Variants in BBS9 observed in about 807,000 individuals in gnomAD.
BBS9 encodes the protein protein PTHB1.
In BBS9, 89 loss-of-function variants were observed where a neutral mutation model predicts 117.7. The ratio of observed to expected loss-of-function variants is 0.76; its 90% CI spans 0.64 to 0.90. The LOEUF is 0.90. Among genes scored for constraint, BBS9 ranks in the 40% least tolerant of loss-of-function variants. The pLI, the probability that BBS9 is intolerant of heterozygous loss-of-function variation, is 0.00. For missense variants in BBS9, 982 were observed against 1,042.2 expected, an observed-to-expected ratio of 0.94 and a Z score of 0.80; for synonymous variants, 379 against 370.9, an observed-to-expected ratio of 1.02 and a Z score of -0.25.
chr7:33,446,758 T>C (rs1837059650), intron 19 of BBS9, among the ~76,000 whole-genome samples: 1 of 152,228 alleles, frequency 6.6e-6, no homozygotes, highest in South Asian at 2.1e-4. Flanking sequence ...TAGTGAGCAA[T>C]ATTAGCGAAA....
intron 4 of BBS9, among the ~76,000 whole-genome samples, chr7:33,156,082 C>T (rs1397201191): frequency 6.6e-6 from 1 of 152,114 alleles, no homozygotes; most frequent in Non-Finnish European, 1.5e-5. Context: ...GTTTGAAGTA[C>T]ATTTTCTTTG....
chr7:33,140,795 T>C (rs1009650470), intron 1 of BBS9, among the ~76,000 whole-genome samples: 3 of 152,204 alleles, frequency 2.0e-5, no homozygotes, highest in East Asian at 1.9e-4. Flanking sequence ...TAATAACAAA[T>C]GGTGCAAATA....
chr7:33,379,593 C>A (rs1455191033), intron 17 of BBS9, among the ~76,000 whole-genome samples: 1 of 152,008 alleles, frequency 6.6e-6, no homozygotes, highest in Non-Finnish European at 1.5e-5. Flanking sequence ...GACAGTAAAT[C>A]GTATGCTAAA....
chr7:33,165,224 G>A (rs1207652413), intron 4 of BBS9, among the ~76,000 whole-genome samples: 3 of 152,170 alleles, frequency 2.0e-5, no homozygotes, highest in Non-Finnish European at 4.4e-5. Context: ...GCTTCCCTTT[G>A]TGGGTAACCT....
intron 9 of BBS9, among the ~76,000 whole-genome samples, chr7:33,292,293 C>T (rs1804219985): frequency 1.3e-5 from 2 of 151,988 alleles, no homozygotes; most frequent in Admixed American, 6.6e-5. Flanking sequence ...AGTGGTGTGC[C>T]CATAGCTCAC....
At chr7:33,466,925 G>A (rs975130604) in intron 19 of BBS9, among the ~76,000 whole-genome samples, 6 of 152,018 alleles carry the variant, frequency 3.9e-5, no homozygotes, top group Non-Finnish European at 7.4e-5. Flanking sequence ...TCAAGGGTGA[G>A]CCGGTTTCTG....
intron 11 of BBS9, 71 bp downstream of exon 11, chr7:33,341,044 A>C (rs931856438): frequency 5.9e-6 from 8 of 1,364,726 alleles, no homozygotes; most frequent in Middle Eastern, 1.8e-4. Context: ...ACCAAAATGC[A>C]TTGGTTTAAA....
In BBS9 at chr7:33,259,149, ATGTT is replaced by A. The variant is rs766044620; in HGVS notation, c.617+1744_617+1747del. Among the ~76,000 whole-genome samples, 25 of 152,330 alleles carry A rather than the reference ATGTT, an allele frequency of 1.6e-4. No individual in the cohort carries two copies. The East Asian group carries it at 2.9e-3, about 18-fold the overall frequency. On this transcript the variant is annotated intron_variant, in intron 6 of 22. Transcript: ENST00000242067. ...GGATTTTGGAGAAAGCATGAAAACT[ATGTT>A]TGTTCTTTTGAGGCTTTATTAAATC...
At chr7:33,174,230 C>T (rs546765198) in intron 4 of BBS9, among the ~76,000 whole-genome samples, 5 of 152,282 alleles carry the variant, frequency 3.3e-5, no homozygotes, top group Admixed American at 6.5e-5. Flanking sequence ...CCATGATCCC[C>T]AGTTGCTGTG....
At chr7:33,607,156 C>T (rs890584629), downstream of BBS9, among the ~76,000 whole-genome samples, 6 of 152,042 alleles carry the variant, frequency 3.9e-5, no homozygotes, top group Admixed American at 1.3e-4. Flanking sequence ...GGATTCTTTT[C>T]GCTGCTTGGT....
intron 21 of BBS9, among the ~76,000 whole-genome samples, chr7:33,614,243 CCTATAA>C (rs945111910): frequency 6.6e-5 from 10 of 151,972 alleles, no homozygotes; most frequent in South Asian, 2.1e-4. Flanking sequence ...CTTGAATAAT[CCTATAA>C]CAATTAAAAA....
intron 1 of BBS9, among the ~76,000 whole-genome samples, chr7:33,144,154 CAT>C (rs757621456): frequency 6.6e-5 from 10 of 152,160 alleles, no homozygotes; most frequent in Non-Finnish European, 1.3e-4. Flanking sequence ...GCATGGTTAA[CAT>C]GTGGTGGCAC....
chr7:33,539,015 A>T (rs964379904), intron 21 of BBS9, among the ~76,000 whole-genome samples: 1 of 152,246 alleles, frequency 6.6e-6, no homozygotes, highest in Non-Finnish European at 1.5e-5. Flanking sequence ...AGTACCTGAC[A>T]TATAGCAAAT....
At chr7:33,180,591 G>A (rs181534117) in intron 5 of BBS9, among the ~76,000 whole-genome samples, 266 of 152,172 alleles carry the variant, frequency 1.7e-3, no homozygotes, top group African/African-American at 6.1e-3. Context: ...TCCTGACCTC[G>A]TGACCCGCCT....
At chr7:33,168,685 TG>T (rs1392988069) in intron 4 of BBS9, among the ~76,000 whole-genome samples, 10 of 152,314 alleles carry the variant, frequency 6.6e-5, no homozygotes, top group Non-Finnish European at 1.2e-4. Flanking sequence ...ATATTCATCT[TG>T]TTTTTTCTAT....
downstream of BBS9, among the ~76,000 whole-genome samples, chr7:33,607,822 C>A (rs1258904085): frequency 6.6e-6 from 1 of 151,148 alleles, no homozygotes; most frequent in Admixed American, 6.6e-5. Flanking sequence ...ATTATCAGGG[C>A]ATTTTAATTT....
At chr7:33,248,660 T>C (rs567109213) in intron 5 of BBS9, among the ~76,000 whole-genome samples, 14 of 152,334 alleles carry the variant, frequency 9.2e-5, no homozygotes, top group Admixed American at 4.6e-4. Flanking sequence ...ATAGCAAACA[T>C]GTTGTATCAT....
chr7:33,588,079 A>G (rs1165002230), intron 21 of BBS9, among the ~76,000 whole-genome samples: 5 of 152,086 alleles, frequency 3.3e-5, no homozygotes, highest in African/African-American at 7.2e-5. Flanking sequence ...GGAATTACAA[A>G]TGCTCTGTTA....
chr7:33,341,358 G>A (rs1042222274), intron 11 of BBS9, among the ~76,000 whole-genome samples: 2 of 152,076 alleles, frequency 1.3e-5, no homozygotes, highest in African/African-American at 4.8e-5. Context: ...GTTAGATAAG[G>A]TTTGTGAGTG....
Sources: allele counts gnomAD v4.1 joint callset (sites outside exome capture counted in the v4.1 genomes callset), GRCh38; gene constraint gnomAD v4.1.1; transcripts MANE v1.5; gene names NCBI Gene and HGNC (gene_info 2026-07-23, HGNC 2026-07-21).